TENM4: variants seen among roughly 807,000 people sequenced by gnomAD.
TENM4 encodes teneurin-4.
Under a neutral mutation model 243.3 loss-of-function variants are expected in TENM4, and 82 were observed. The ratio of observed to expected loss-of-function variants is 0.34; its 90% CI spans 0.28 to 0.40. TENM4 has a LOEUF of 0.40. Among genes scored for constraint, TENM4 ranks in the 10% least tolerant of loss-of-function variants. The pLI is 1.00. For synonymous variants in TENM4, 1,412 were observed against 1,456.3 expected, an observed-to-expected ratio of 0.97 and a Z score of 0.69; for missense variants, 3,138 against 3,673.3, an observed-to-expected ratio of 0.85 and a Z score of 3.77.
intron 1 of TENM4, among the ~76,000 whole-genome samples, chr11:79,344,610 A>G (rs1450137441): frequency 6.6e-6 from 1 of 152,218 alleles, no homozygotes; most frequent in Non-Finnish European, 1.5e-5. Flanking sequence ...AACATGCAAG[A>G]GTGCAGACCA....
chr11:79,158,620 T>C (rs2135077820), intron 3 of TENM4, among the ~76,000 whole-genome samples: 1 of 152,342 alleles, frequency 6.6e-6, no homozygotes, highest in Middle Eastern at 3.4e-3. Context: ...ATGAGAAGAA[T>C]ATCATTTCTC....
intron 6 of TENM4, among the ~76,000 whole-genome samples, chr11:79,010,563 A>T (rs1858618352): frequency 6.6e-6 from 1 of 152,148 alleles, no homozygotes; most frequent in Non-Finnish European, 1.5e-5. Flanking sequence ...GAGGCCTCAC[A>T]ATTATGGTGG....
intron 6 of TENM4, among the ~76,000 whole-genome samples, chr11:79,044,556 T>G (rs895679213): frequency 6.6e-6 from 1 of 152,224 alleles, no homozygotes; most frequent in Non-Finnish European, 1.5e-5. Flanking sequence ...AGCTGTGCTA[T>G]GCTTCAGTTA....
chr11:79,077,300 A>T (rs1293643507), intron 4 of TENM4, among the ~76,000 whole-genome samples: 4 of 152,178 alleles, frequency 2.6e-5, no homozygotes, highest in African/African-American at 9.7e-5. Context: ...CCTGCCCCAC[A>T]CCCAGGCCAA....
Position 79,431,368 on chromosome 11 carries a change from A to G in TENM4, c.-321+9141T>C, listed in dbSNP as rs1468343509. Among the ~76,000 whole-genome samples the G allele has an allele frequency of 2.6e-5, 4 of 152,186 alleles. No homozygotes were observed. In the East Asian group the frequency reaches 7.7e-4, roughly 29 times the overall value. On this transcript the variant is annotated intron_variant, in intron 1 of 33. Coordinates refer to ENST00000278550, the MANE Select transcript of TENM4 (RefSeq NM_001098816.3). ...TTTTACTTATTCCACCCAATTGTTTACCTTTTTCCTCTCTTTTATAAATAA... is the reference window on the plus strand; with the variant it reads ...TTTTACTTATTCCACCCAATTGTTTGCCTTTTTCCTCTCTTTTATAAATAA...
chr11:79,324,523 C>A (rs1856942437), intron 1 of TENM4, among the ~76,000 whole-genome samples: 1 of 152,150 alleles, frequency 6.6e-6, no homozygotes, highest in Admixed American at 6.5e-5. Flanking sequence ...CTGTGCCTGG[C>A]TTGTTTCTTT....
intron 24 of TENM4, 74 bp from the exon 25 acceptor site, chr11:78,720,464 C>CTTAT (rs1404257172): frequency 7.1e-6 from 11 of 1,549,974 alleles, no homozygotes; most frequent in Non-Finnish European, 8.9e-6. Flanking sequence ...GCATTATTAG[C>CTTAT]AGCCTGAAAA....
At position 79,226,394 on chromosome 11, in the gene TENM4, G is replaced by A. The variant is rs375547623; in HGVS notation, c.-264-10485C>T. Among the ~76,000 whole-genome samples, 9 of 152,316 alleles carry A rather than the reference G, an allele frequency of 5.9e-5. No homozygotes were observed. In the South Asian group the frequency reaches 1.4e-3, roughly 25 times the overall value. ...GGGGAGAGGGGTACTCTGAGGGAAC[G>A]CAAGCTGGAACTGATTAACCATCTC... On this transcript the variant is annotated intron_variant, in intron 2 of 33. Coordinates refer to ENST00000278550, the MANE Select transcript of TENM4 (RefSeq NM_001098816.3).
chr11:78,822,146 G>A (rs1405731399), intron 12 of TENM4, among the ~76,000 whole-genome samples: 1 of 152,124 alleles, frequency 6.6e-6, no homozygotes, highest in Non-Finnish European at 1.5e-5. Context: ...ACTGCAGGGG[G>A]TATTAAAGAT....
intron 6 of TENM4, among the ~76,000 whole-genome samples, chr11:78,947,177 C>T (rs75057864): frequency 0.028 from 4,188 of 152,208 alleles, 89 homozygotes; most frequent in African/African-American, 0.055. Context: ...GAGTACCCAC[C>T]GTGTGCACTG....
intron 12 of TENM4, among the ~76,000 whole-genome samples, chr11:78,821,371 A>G (rs1857728520): frequency 6.6e-6 from 1 of 152,238 alleles, no homozygotes; most frequent in African/African-American, 2.4e-5. Flanking sequence ...TTGATAAACA[A>G]AGCAGGAATA....
intron 28 of TENM4, among the ~76,000 whole-genome samples, chr11:78,694,053 T>A (rs564855086): frequency 1.2e-4 from 19 of 152,132 alleles, no homozygotes; most frequent in Non-Finnish European, 2.5e-4. Context: ...AACTTGGCTC[T>A]CAGAAGAGGA....
At chr11:78,711,199 C>T (rs1310227015) in intron 26 of TENM4, among the ~76,000 whole-genome samples, 2 of 152,212 alleles carry the variant, frequency 1.3e-5, no homozygotes, top group Admixed American at 1.3e-4. Context: ...ACAACTACCA[C>T]CTGACACTCC....
intron 2 of TENM4, among the ~76,000 whole-genome samples, chr11:79,228,838 G>A (rs145008100): frequency 1.9e-3 from 296 of 152,200 alleles, no homozygotes; most frequent in African/African-American, 7.0e-3. Flanking sequence ...CATCAGTATG[G>A]TTCATTTGTT....
intron 32 of TENM4, among the ~76,000 whole-genome samples, chr11:78,665,612 T>C (rs1037061063): frequency 6.6e-6 from 1 of 152,218 alleles, no homozygotes; most frequent in Non-Finnish European, 1.5e-5. Context: ...CTTTACAAAA[T>C]GTATTTGAAT....
At chr11:78,926,967 G>T (rs1856567623) in intron 6 of TENM4, among the ~76,000 whole-genome samples, 1 of 152,116 alleles carries the variant, frequency 6.6e-6, no homozygotes, top group South Asian at 2.1e-4. Context: ...CATTTTTGTT[G>T]CTTGTTATAA....
chr11:79,392,211 T>C (rs1038647183), intron 1 of TENM4, among the ~76,000 whole-genome samples: 1 of 152,144 alleles, frequency 6.6e-6, no homozygotes, highest in African/African-American at 2.4e-5. Context: ...CTGTCTTACA[T>C]CCCAAGATAA....
At chr11:79,313,652 G>C (rs367918862) in intron 1 of TENM4, among the ~76,000 whole-genome samples, 4 of 152,104 alleles carry the variant, frequency 2.6e-5, no homozygotes, top group South Asian at 2.1e-4. Flanking sequence ...AAGTGTGTTG[G>C]GTCCCAGCAG....
rs960873903 is a variant in TENM4, at chr11:78,676,278, G to A, written c.5370C>T (p.Thr1790=). ...TCCTCTTGCCCACGGTGGGGTTGAC[G>A]GTGCCAGCCAGCAAGTGGGGCTCAG... The part of the protein sequence containing the change: ...LQTEPHLLAG[T]VNPTVGKRNV... Residue 1790 remains threonine, a synonymous_variant, in exon 30 of 34, where the codon ACC becomes ACT. Coordinates refer to ENST00000278550, the MANE Select transcript of TENM4 (RefSeq NM_001098816.3). The A allele has an allele frequency of 1.1e-5, 17 of 1,612,726 alleles. No individual in the cohort carries two copies. Among genetic ancestry groups the A allele is most frequent in the Non-Finnish European group, 1.4e-5 (16 of 1,179,008 alleles).
Sources: gnomAD v4.1 joint callset for allele counts (sites outside exome capture counted in the v4.1 genomes callset) on GRCh38, gnomAD v4.1.1 for gene constraint, MANE v1.5 for transcripts, NCBI Gene and HGNC (gene_info 2026-07-23, HGNC 2026-07-21) for gene names.